GRAMD2B: variants seen among roughly 807,000 people sequenced by gnomAD.
GRAMD2B encodes GRAM domain-containing protein 2B.
A neutral mutation model predicts 59.2 loss-of-function variants in GRAMD2B; 41 were observed. That is an observed-to-expected ratio of 0.69 (90% CI 0.54 to 0.90). GRAMD2B has a LOEUF of 0.90. Ranked by LOEUF, GRAMD2B falls within the 40% of genes least tolerant of loss-of-function variation. The pLI, the probability that GRAMD2B is intolerant of heterozygous loss-of-function variation, is 0.00. For missense variants in GRAMD2B, 424 were observed against 500.5 expected, an observed-to-expected ratio of 0.85 and a Z score of 1.46; for synonymous variants, 161 against 182.7, an observed-to-expected ratio of 0.88 and a Z score of 0.96.
chr5:126,458,965 C>T lies in GRAMD2B; in HGVS notation c.84-6461C>T, dbSNP rs150660601. 603 of 152,250 alleles carry T rather than the reference C, an allele frequency of 4.0e-3. 3 individuals are homozygous for T. Among genetic ancestry groups the T allele is most frequent in the African/African-American group, 0.013 (552 of 41,560 alleles). The allele number at this position is 152,250 out of a possible 1,614,324, so 9.4% of individuals were successfully genotyped here. A position where few individuals can be genotyped will look rare whatever the true frequency, so the allele number is the denominator to read the frequency against. ...ATATTGTACTTTACTTTCCGCTTTCCGTTTTTCCATATTTCAGAAAGTTTC... is the reference window on the plus strand; with the variant it reads ...ATATTGTACTTTACTTTCCGCTTTCTGTTTTTCCATATTTCAGAAAGTTTC... On this transcript the variant is annotated intron_variant, in intron 1 of 13. Transcript: ENST00000285689.
chr5:126,364,864 A>C (rs567931565), intron 1 of GRAMD2B, among the ~76,000 whole-genome samples: 1 of 152,290 alleles, frequency 6.6e-6, no homozygotes, highest in African/African-American at 2.4e-5. Flanking sequence ...AATTCTCCAA[A>C]CATGTCTTTG....
chr5:126,465,668 G>T, intron 2 of GRAMD2B, 123 bp downstream of exon 2: 1 of 825,856 alleles, frequency 1.2e-6, no homozygotes, highest in South Asian at 1.9e-5. Context: ...TAATACTCCT[G>T]AGAAAGAATG....
chr5:126,424,876 G>T (rs1418433576), intron 1 of GRAMD2B, among the ~76,000 whole-genome samples: 1 of 152,202 alleles, frequency 6.6e-6, no homozygotes, highest in East Asian at 1.9e-4. Context: ...TAAGCAGCTA[G>T]GCAGAGTCAC....
rs76284937 is a variant in GRAMD2B at position 126,373,700 on chromosome 5, G to A, written c.125+2133G>A. On this transcript the variant is annotated intron_variant, in intron 1 of 8. Coordinates refer to the GRAMD2B transcript ENST00000506445. ...ATGTTTTATAGGAAACAAAGCTGAG[G>A]CAGACAGTAAGATAGAGAAAACTAC... 9.7e-4 allele frequency among the ~76,000 whole-genome samples: 148 copies of A among 152,280 alleles called. 1 individual carries two copies. The highest frequency in any genetic ancestry group is 3.3e-3 in the African/African-American group (139 of 41,560).
rs72784524 is a variant in GRAMD2B, at chr5:126,449,758, G to A, written c.84-15668G>A. Among the ~76,000 whole-genome samples, 726 of 152,232 alleles carry A rather than the reference G, an allele frequency of 4.8e-3. 3 individuals are homozygous for A. Among genetic ancestry groups the A allele is most frequent in the Non-Finnish European group, 7.8e-3 (531 of 68,030 alleles). The stretch of plus-strand genomic sequence containing the variant: ...GCATTTAAGCAAAGAGAATTTTCAC[G>A]TGTGCTGCTGATGCCCGTGTTGATT... On this transcript the variant is annotated intron_variant, in intron 1 of 13. Coordinates refer to ENST00000285689, the MANE Select transcript of GRAMD2B (RefSeq NM_023927.4).
rs1174748473 is a variant in GRAMD2B at position 126,477,855 on chromosome 5, G to C, written c.582+68G>C. 1.2e-5 allele frequency: 11 copies of C among 920,242 alleles called. 1 individual carries two copies. The highest frequency in any genetic ancestry group is 2.6e-5 in the South Asian group (2 of 77,036). The allele number at this position is 920,242 out of a possible 1,614,324, so 57.0% of individuals were successfully genotyped here. ...TGCTCTGGGCTCTGCTGCCTAAGGG[G>C]TCTCTTGCCAAGGACCAAGACTCCA... On this transcript the variant is annotated intron_variant, in intron 6 of 13. Transcript: ENST00000285689.
In GRAMD2B at chr5:126,493,668, G is replaced by C. The variant is rs1420153424; in HGVS notation, c.*712G>C. The C allele has an allele frequency of 6.6e-6, 1 of 152,170 alleles. No individual in the cohort carries two copies. Among genetic ancestry groups the C allele is most frequent in the African/African-American group, 2.4e-5 (1 of 41,428 alleles). The allele number at this position is 152,170 out of a possible 1,614,324, so 9.4% of individuals were successfully genotyped here. On this transcript the variant is annotated 3_prime_UTR_variant, in exon 14 of 14. Transcript: ENST00000285689. ...CTGGTCAAGAATCTGTGAGGCATGT[G>C]ACTGAAGTACTAAATTAAACTTATT...
At chr5:126,394,387 T>C (rs913910183) in intron 1 of GRAMD2B, among the ~76,000 whole-genome samples, 6 of 152,242 alleles carry the variant, frequency 3.9e-5, no homozygotes, top group East Asian at 3.9e-4. Flanking sequence ...AAAGGTTTGT[T>C]ATATGGTAGA....
intron 1 of GRAMD2B, among the ~76,000 whole-genome samples, chr5:126,382,775 C>T (rs1262472713): frequency 6.6e-6 from 1 of 152,090 alleles, no homozygotes; most frequent in East Asian, 1.9e-4. Flanking sequence ...CTTGTTTTGT[C>T]ATATTACCGG....
intron 1 of GRAMD2B, among the ~76,000 whole-genome samples, chr5:126,373,811 G>T (rs1754957433): frequency 6.6e-6 from 1 of 152,216 alleles, no homozygotes; most frequent in South Asian, 2.1e-4. Flanking sequence ...CTGAGAAGGA[G>T]CGTGGTTGCC....
At chr5:126,407,280 T>A (rs1050329710) in intron 1 of GRAMD2B, among the ~76,000 whole-genome samples, 9 of 151,964 alleles carry the variant, frequency 5.9e-5, no homozygotes, top group African/African-American at 2.2e-4. Flanking sequence ...TCAACAAATG[T>A]TACAGACAGG....
Position 126,484,424 on chromosome 5 carries a change from A to T in GRAMD2B, c.870A>T (p.Gln290His), listed in dbSNP as rs540665028. ...NSRDFHATES[Q>H]TVLNVSKGEA... ...TAGATTTCCATGCGACAGAATCCCA[A>T]ACAGTTCTGAATGTCTCCAAGGGAG... Residue 290 changes from glutamine (Q) to histidine (H), a missense_variant, in exon 10 of 14, where the codon CAA becomes CAT. Coordinates refer to ENST00000285689, the MANE Select transcript of GRAMD2B (RefSeq NM_023927.4). 2.5e-6 allele frequency: 4 copies of T among 1,613,956 alleles called. No homozygotes were observed. Among genetic ancestry groups the T allele is most frequent in the Non-Finnish European group, 3.4e-6 (4 of 1,180,008 alleles).
chr5:126,486,686 GTC>G (rs1772998750), intron 11 of GRAMD2B, among the ~76,000 whole-genome samples, 185 bp from the exon 12 acceptor site: 1 of 152,166 alleles, frequency 6.6e-6, no homozygotes, highest in Non-Finnish European at 1.5e-5. Flanking sequence ...AGGATTTTAA[GTC>G]TCTTCTAGCT....
At chr5:126,418,238 C>T (rs575936678) in intron 1 of GRAMD2B, among the ~76,000 whole-genome samples, 2 of 152,304 alleles carry the variant, frequency 1.3e-5, no homozygotes, top group South Asian at 4.1e-4. Flanking sequence ...CCAATTCACA[C>T]ATCGTGATCT....
intron 1 of GRAMD2B, among the ~76,000 whole-genome samples, chr5:126,383,556 A>T (rs1291683750): frequency 6.6e-6 from 1 of 152,196 alleles, no homozygotes; most frequent in African/African-American, 2.4e-5. Context: ...TCACTGTGGT[A>T]GATGGATTAC....
intron 8 of GRAMD2B, among the ~76,000 whole-genome samples, chr5:126,481,812 C>CA (rs1771894743): frequency 6.6e-6 from 1 of 151,690 alleles, no homozygotes; most frequent in South Asian, 2.1e-4. Context: ...CTAAAAAATA[C>CA]AAAAAATTAG....
rs149754352 is a variant in GRAMD2B at position 126,465,242 on chromosome 5, G to A, written c.84-184G>A. 6.1e-5 allele frequency: 88 copies of A among 1,438,734 alleles called. No individual in the cohort carries two copies. In the African/African-American group the frequency reaches 6.6e-4, roughly 11 times the overall value. 89.1% of individuals were successfully genotyped at this position (1,438,734 alleles called of 1,614,324 possible). A position where few individuals can be genotyped will look rare whatever the true frequency, so the allele number is the denominator to read the frequency against. On this transcript the variant is annotated intron_variant, in intron 1 of 13. Coordinates refer to ENST00000285689, the MANE Select transcript of GRAMD2B (RefSeq NM_023927.4). Reference sequence around the variant, plus strand: ...ACAGGTGCGACCTGCAGCTACTGCCGTTGGGACACCAGGCAAGGGGTTAGA... The same window carrying A: ...ACAGGTGCGACCTGCAGCTACTGCCATTGGGACACCAGGCAAGGGGTTAGA...
chr5:126,481,986 A>AGG (rs753323759), intron 8 of GRAMD2B, among the ~76,000 whole-genome samples: 1 of 72,110 alleles, frequency 1.4e-5, no homozygotes, highest in African/African-American at 5.0e-5. Flanking sequence ...AAAAAAAAAA[A>AGG]GGGGAGATGA....
chr5:126,485,824 A>G (rs769282896), intron 11 of GRAMD2B, 51 bp downstream of exon 11: 5 of 1,134,070 alleles, frequency 4.4e-6, no homozygotes, highest in Non-Finnish European at 6.6e-6. Flanking sequence ...TCCATTCGCT[A>G]AAGGAATAAT....
Sources: allele counts gnomAD v4.1 joint callset (sites outside exome capture counted in the v4.1 genomes callset), GRCh38; gene constraint gnomAD v4.1.1; transcripts MANE v1.5; gene names NCBI Gene and HGNC (gene_info 2026-07-23, HGNC 2026-07-21).